Variants in SHBG observed in about 807,000 individuals in gnomAD.
SHBG encodes sex hormone-binding globulin.
SHBG carries 37 observed loss-of-function variants against 41.9 expected under a neutral mutation model. The observed-to-expected ratio is 0.88, with a 90% CI of 0.68 to 1.16. The LOEUF is 1.16. Ranked by LOEUF, SHBG falls within the 50% of genes most tolerant of loss-of-function variation. SHBG has a pLI of 0.00. For missense variants in SHBG, 466 were observed against 499.9 expected, an observed-to-expected ratio of 0.93 and a Z score of 0.65; for synonymous variants, 217 against 205.8, an observed-to-expected ratio of 1.05 and a Z score of -0.47.
At chr17:7,629,583 A>G (rs1215841847), upstream of SHBG, among the ~76,000 whole-genome samples, 1 of 151,980 alleles carries the variant, frequency 6.6e-6, no homozygotes, top group Admixed American at 6.6e-5. Flanking sequence ...CTGGGAAAAG[A>G]CTGGGGGAGG....
chr17:7,630,979 C>T lies in SHBG; in HGVS notation c.393+110C>T. On this transcript the variant is annotated intron_variant, in intron 3 of 7. Transcript: ENST00000380450. This position sits in a 1 kb window ranked among gnomAD's most constrained non-coding sequence, Gnocchi z 4.6. ...TACCACTGTCATCTCGTTTAATCCA[C>T]ACGAACCCCCACAAAGTAGCTATTC... The T allele has an allele frequency of 9.5e-7, 1 of 1,057,388 alleles. No individual in the cohort carries two copies. The highest frequency in any genetic ancestry group is 1.4e-6 in the Non-Finnish European group (1 of 710,616). 65.5% of individuals were successfully genotyped at this position (1,057,388 alleles called of 1,614,324 possible).
chr17:7,630,205 C>T lies in SHBG; in HGVS notation c.33C>T (p.Arg11=), dbSNP rs559727826. The T allele has an allele frequency of 4.3e-6, 7 of 1,613,722 alleles. No homozygotes were observed. The highest frequency in any genetic ancestry group is 5.9e-6 in the Non-Finnish European group (7 of 1,179,818). The change falls in exon 1 of 8, where the codon CGC becomes CGT. Residue 11 remains arginine, a synonymous_variant. Transcript: ENST00000380450. The surrounding 1 kb of genome is among the most constrained non-coding windows in gnomAD (Gnocchi z 4.6). MESRGPLATS[R]LLLLLLLLLL... ...GCAGAGGCCCACTGGCTACCTCGCG[C>T]CTGCTGCTGTTGCTGCTGTTGCTAC... is the stretch of plus-strand genomic sequence containing the variant.
At chr17:7,617,766 A>G (rs2072019025) in intron 1 of SHBG, among the ~76,000 whole-genome samples, 1 of 152,104 alleles carries the variant, frequency 6.6e-6, no homozygotes, top group Admixed American at 6.6e-5. Context: ...AATCATCTAA[A>G]ATCAATAGTA....
At chr17:7,623,335 G>A (rs868589418), upstream of SHBG, among the ~76,000 whole-genome samples, 6 of 152,214 alleles carry the variant, frequency 3.9e-5, no homozygotes, top group African/African-American at 1.2e-4. Flanking sequence ...AGGTTGCAGT[G>A]AGTGAGATCG....
intron 1 of SHBG, among the ~76,000 whole-genome samples, chr17:7,619,111 C>A (rs1012236654): frequency 6.6e-6 from 1 of 152,118 alleles, no homozygotes; most frequent in Non-Finnish European, 1.5e-5. Context: ...AATAATGAGG[C>A]CAGGCATGGT....
chr17:7,621,434 TA>T (rs199799420), intron 1 of SHBG, among the ~76,000 whole-genome samples: 47,596 of 135,720 alleles, frequency 0.35, 13,494 homozygotes, highest in Middle Eastern at 0.6. Context: ...CCATCTCTAC[TA>T]AAAAAAAATA....
intron 6 of SHBG, among the ~76,000 whole-genome samples, chr17:7,632,290 A>T (rs1030649459): frequency 2.0e-5 from 3 of 151,906 alleles, no homozygotes; most frequent in Non-Finnish European, 2.9e-5. Context: ...AAAAAAAAAA[A>T]AAAATTAGCC....
At position 7,631,859 on chromosome 17, in the gene SHBG, A is replaced by G. The variant is rs764462936; in HGVS notation, c.716-20A>G. 6.2e-7 allele frequency: 1 copy of G among 1,613,920 alleles called. No homozygotes were observed. The highest frequency in any genetic ancestry group is 8.5e-7 in the Non-Finnish European group (1 of 1,179,984). ...GAGACCCCAGCTTTGAGGCCTCAGG[A>G]TAATCATTTCTCCCCACAGACATTC... is the stretch of plus-strand genomic sequence containing the variant. On this transcript the variant is annotated intron_variant, in intron 5 of 7. Coordinates refer to ENST00000380450, the MANE Select transcript of SHBG (RefSeq NM_001040.5).
intron 1 of SHBG, among the ~76,000 whole-genome samples, chr17:7,615,153 G>A (rs779196861): frequency 6.6e-6 from 1 of 152,002 alleles, no homozygotes; most frequent in African/African-American, 2.4e-5. Flanking sequence ...AACCAATCAG[G>A]GGGAGGGAGG....
upstream of SHBG, chr17:7,626,887 C>T: frequency 1.2e-6 from 2 of 1,602,578 alleles, no homozygotes; most frequent in Non-Finnish European, 1.7e-6. Flanking sequence ...CAGGGGATAA[C>T]AGTGGGGTCT....
At chr17:7,614,144 A>C in intron 1 of SHBG, 1 of 604,454 alleles carries the variant, frequency 1.7e-6, no homozygotes, top group Non-Finnish European at 3.1e-6. Context: ...GACACAGTCA[A>C]TTAGAAGCTG....
chr17:7,628,788 G>T (rs2072306809), upstream of SHBG, among the ~76,000 whole-genome samples: 1 of 151,732 alleles, frequency 6.6e-6, no homozygotes, highest in South Asian at 2.1e-4. Context: ...GGGCACAGTG[G>T]CTCACACCTG....
In SHBG at chr17:7,630,151, G is replaced by A. The variant is rs1406622930; in HGVS notation, c.-22G>A. On this transcript the variant is annotated 5_prime_UTR_variant, in exon 1 of 8. Coordinates refer to ENST00000380450, the MANE Select transcript of SHBG (RefSeq NM_001040.5). The surrounding 1 kb of genome is among the most constrained non-coding windows in gnomAD (Gnocchi z 4.6). ...CATTCTCCCAAGAGTTGTCTGAGCCGCCGAGTGGACAGTGGCTGATTATGG... is the reference window on the plus strand; with the variant it reads ...CATTCTCCCAAGAGTTGTCTGAGCCACCGAGTGGACAGTGGCTGATTATGG... 8 of 1,591,690 alleles carry A rather than the reference G, an allele frequency of 5.0e-6. No individual in the cohort carries two copies. Among genetic ancestry groups the A allele is most frequent in the African/African-American group, 1.3e-5 (1 of 74,570 alleles).
intron 1 of SHBG, among the ~76,000 whole-genome samples, chr17:7,619,711 CAAAA>C (rs36022075): frequency 1.3e-5 from 1 of 78,014 alleles, no homozygotes. Context: ...AACTTCGTCT[CAAAA>C]AAAAAAAAAA....
upstream of SHBG, chr17:7,627,131 A>G (rs1431251464): frequency 1.9e-6 from 3 of 1,613,892 alleles, no homozygotes; most frequent in Non-Finnish European, 2.5e-6. This position sits in a 1 kb window ranked among gnomAD's most constrained non-coding sequence, Gnocchi z 4.8. Context: ...TCTAAGGGCC[A>G]GGTGCTCTTA....
chr17:7,629,572 C>T (rs972327162), upstream of SHBG, among the ~76,000 whole-genome samples: 63 of 152,114 alleles, frequency 4.1e-4, no homozygotes, highest in African/African-American at 1.5e-3. Context: ...GCCTCAGAGG[C>T]CTGGGAAAAG....
At chr17:7,617,692 TACA>T (rs2150954782) in intron 1 of SHBG, among the ~76,000 whole-genome samples, 1 of 152,286 alleles carries the variant, frequency 6.6e-6, no homozygotes, top group South Asian at 2.1e-4. Flanking sequence ...GTCCATGGGA[TACA>T]ACATCTGAAT....
At chr17:7,626,402 A>C, upstream of SHBG, 11 of 1,605,154 alleles carry the variant, frequency 6.9e-6, no homozygotes, top group Non-Finnish European at 9.4e-6. Flanking sequence ...GCTTCAGCTG[A>C]TGGGGAAGGA....
intron 1 of SHBG, among the ~76,000 whole-genome samples, chr17:7,619,345 G>A (rs1041420950): frequency 6.0e-5 from 9 of 149,058 alleles, no homozygotes; most frequent in East Asian, 2.0e-4. Flanking sequence ...AGCCAAGATC[G>A]CGCCATTGCA....
Sources: allele counts gnomAD v4.1 joint callset (sites outside exome capture counted in the v4.1 genomes callset), GRCh38; gene constraint gnomAD v4.1.1; non-coding constraint Gnocchi (gnomAD v3.1); transcripts MANE v1.5; gene names NCBI Gene and HGNC (gene_info 2026-07-23, HGNC 2026-07-21).